GALNT1: variants seen among roughly 807,000 people sequenced by gnomAD.
GALNT1 encodes the protein GalNAc transferase 1.
A neutral mutation model predicts 65.7 loss-of-function variants in GALNT1; 17 were observed. The ratio of observed to expected loss-of-function variants is 0.26; its 90% CI spans 0.18 to 0.39. GALNT1 has a LOEUF of 0.39. Among genes scored for constraint, GALNT1 ranks in the 10% least tolerant of loss-of-function variants. The pLI, the probability that GALNT1 is intolerant of heterozygous loss-of-function variation, is 1.00. For missense variants in GALNT1, 460 were observed against 672.8 expected (o/e 0.68, Z 3.50); for synonymous variants, 210 against 219.7 (o/e 0.96, Z 0.39).
chr18:35,676,151 CCTT>C (rs1341424628), intron 3 of GALNT1, among the ~76,000 whole-genome samples: 21 of 152,102 alleles, frequency 1.4e-4, no homozygotes, highest in Admixed American at 1.1e-3. Flanking sequence ...GCTGTGTGGG[CCTT>C]CTTGTGGTGG....
rs978754640 is a variant in GALNT1 at position 35,677,513 on chromosome 18, A to G, written c.315-78A>G. 8 of 1,166,848 alleles carry G rather than the reference A, an allele frequency of 6.9e-6. No homozygotes were observed. In the South Asian group the frequency reaches 1.1e-4, roughly 17 times the overall value. The allele number at this position is 1,166,848 out of a possible 1,614,324, so 72.3% of individuals were successfully genotyped here. ...TAGAGCAAACTGCTTTTATTGTTCT[A>G]TCACCCTTCTAGTCCAGATTCCTTT... On this transcript the variant is annotated intron_variant, in intron 3 of 11. Transcript: ENST00000269195.
At position 35,702,898 on chromosome 18, in the gene GALNT1, T is replaced by C. The variant is rs1598812728; in HGVS notation, c.1301T>C (p.Ile434Thr). 1 of 1,589,208 alleles carries C rather than the reference T, an allele frequency of 6.3e-7. No homozygotes were observed. The highest frequency in any genetic ancestry group is 1.7e-4 in the Middle Eastern group (1 of 5,954). Residue 434 changes from isoleucine to threonine, a missense_variant and splice_region_variant, in exon 10 of 12, where the codon ATA (isoleucine) becomes ACA (threonine). Coordinates refer to ENST00000269195, the MANE Select transcript of GALNT1 (RefSeq NM_020474.4). ...TTTTCATTATTTATTGTCCCATAGATACGAAATGTGGAAACGAATCAGTGT... is the reference window on the plus strand; with the variant it reads ...TTTTCATTATTTATTGTCCCATAGACACGAAATGTGGAAACGAATCAGTGT... ...IPRHYFSLGEIRNVETNQCLD... is the reference protein window; with the variant it reads ...IPRHYFSLGETRNVETNQCLD...
chr18:35,709,918 C>T lies in GALNT1; in HGVS notation c.*148C>T. ...TTATCAGCCATTAAAACTTAGACTT[C>T]TCTAGCTTTTCACTAGCTGTGAACC... On this transcript the variant is annotated 3_prime_UTR_variant, in exon 12 of 12. Transcript: ENST00000269195. 1 of 905,828 alleles carries T rather than the reference C, an allele frequency of 1.1e-6. No homozygotes were observed. The highest frequency in any genetic ancestry group is 1.6e-6 in the Non-Finnish European group (1 of 615,704). 56.1% of individuals were successfully genotyped at this position (905,828 alleles called of 1,614,324 possible).
chr18:35,600,188 A>G (rs1332714688), intron 1 of GALNT1, among the ~76,000 whole-genome samples: 1 of 152,054 alleles, frequency 6.6e-6, no homozygotes, highest in African/African-American at 2.4e-5. Flanking sequence ...TGTCCTCTTT[A>G]ATTTCTTTCA....
chr18:35,681,618 C>T (rs58952332), intron 4 of GALNT1, among the ~76,000 whole-genome samples: 14,426 of 151,966 alleles, frequency 0.095, 821 homozygotes, highest in African/African-American at 0.16. Flanking sequence ...TGTTGGGAGA[C>T]GCATTGTTTA....
chr18:35,636,783 G>GTTTTTTTTTT (rs58909585), intron 1 of GALNT1, among the ~76,000 whole-genome samples: 2 of 64,224 alleles, frequency 3.1e-5, no homozygotes, highest in Admixed American at 1.9e-4. Context: ...ATACTACTTT[G>GTTTTTTTTTT]TTTTTTTTTT....
intron 3 of GALNT1, among the ~76,000 whole-genome samples, chr18:35,676,232 A>AGAG (rs1215716620): frequency 6.6e-6 from 1 of 152,074 alleles, no homozygotes; most frequent in Non-Finnish European, 1.5e-5. Flanking sequence ...ATCAGTGGGT[A>AGAG]GAGGGAAGGT....
At chr18:35,630,193 C>A (rs1848223862) in intron 1 of GALNT1, among the ~76,000 whole-genome samples, 1 of 152,116 alleles carries the variant, frequency 6.6e-6, no homozygotes, top group Non-Finnish European at 1.5e-5. Flanking sequence ...CAGCTCTGCA[C>A]CAAGTGGACC....
At chr18:35,640,561 A>G (rs2047148104) in intron 1 of GALNT1, among the ~76,000 whole-genome samples, 1 of 152,236 alleles carries the variant, frequency 6.6e-6, no homozygotes, top group Non-Finnish European at 1.5e-5. Flanking sequence ...GAATCATGAC[A>G]ACTTTTATTT....
At chr18:35,686,238 G>A (rs911994391) in intron 5 of GALNT1, among the ~76,000 whole-genome samples, 3 of 152,266 alleles carry the variant, frequency 2.0e-5, no homozygotes, top group Admixed American at 1.3e-4. Flanking sequence ...AGAGAGAAAT[G>A]GATAGGAAAG....
intron 10 of GALNT1, 124 bp downstream of exon 10, chr18:35,703,119 T>A: frequency 1.7e-6 from 1 of 592,292 alleles, no homozygotes; most frequent in South Asian, 3.0e-5. Context: ...TAATAAAGAC[T>A]TTTAGGTGAA....
intron 2 of GALNT1, among the ~76,000 whole-genome samples, chr18:35,657,858 AAG>A (rs925524062): frequency 1.3e-5 from 2 of 152,322 alleles, no homozygotes; most frequent in African/African-American, 4.8e-5. Flanking sequence ...CGGTAGTTAC[AAG>A]AGAGAAATGG....
chr18:35,633,646 A>G (rs2047050332), intron 1 of GALNT1, among the ~76,000 whole-genome samples: 1 of 152,170 alleles, frequency 6.6e-6, no homozygotes, highest in Non-Finnish European at 1.5e-5. Context: ...ATACATATGT[A>G]ACAAACCTGC....
intron 7 of GALNT1, 64 bp from the exon 8 acceptor site, chr18:35,690,948 A>G (rs1392915731): frequency 2.9e-6 from 4 of 1,392,810 alleles, no homozygotes; most frequent in Non-Finnish European, 3.9e-6. Context: ...ACTATGGGAA[A>G]ACTAAGGTGA....
chr18:35,636,783 G>GTTTTTTTTT (rs58909585), intron 1 of GALNT1, among the ~76,000 whole-genome samples: 1 of 64,224 alleles, frequency 1.6e-5, no homozygotes, highest in Non-Finnish European at 3.2e-5. Flanking sequence ...ATACTACTTT[G>GTTTTTTTTT]TTTTTTTTTT....
At chr18:35,584,899 G>C (rs1196259822) in intron 1 of GALNT1, among the ~76,000 whole-genome samples, 1 of 152,210 alleles carries the variant, frequency 6.6e-6, no homozygotes, top group Non-Finnish European at 1.5e-5. Flanking sequence ...CCACAGACTG[G>C]TACTGGTTCA....
rs1304313674 is a variant in GALNT1, at chr18:35,689,209, C to G, written c.897C>G (p.Asp299Glu). 7 of 1,612,446 alleles carry G rather than the reference C, an allele frequency of 4.3e-6. No individual in the cohort carries two copies. The highest frequency in any genetic ancestry group is 5.9e-6 in the Non-Finnish European group (7 of 1,179,056). The change falls in exon 7 of 12, where the codon GAC (aspartate) becomes GAG (glutamate). Residue 299 changes from aspartate (D) to glutamate (E), a missense_variant. Transcript: ENST00000269195. ...PTMAGGLFSI[D>E]RDYFQEIGTY... is the part of the protein sequence containing the mutation. ...TGGCAGGAGGCCTTTTTTCAATAGACAGAGATTACTTTCAGGAAATTGGAA... is the reference window on the plus strand; with the variant it reads ...TGGCAGGAGGCCTTTTTTCAATAGAGAGAGATTACTTTCAGGAAATTGGAA...
At chr18:35,678,822 T>G (rs909653906) in intron 4 of GALNT1, among the ~76,000 whole-genome samples, 2 of 152,218 alleles carry the variant, frequency 1.3e-5, no homozygotes, top group Non-Finnish European at 2.9e-5. Context: ...GTGTCCACAC[T>G]GAATACATGC....
At chr18:35,662,007 C>T (rs749735463) in intron 2 of GALNT1, among the ~76,000 whole-genome samples, 5 of 152,132 alleles carry the variant, frequency 3.3e-5, no homozygotes, top group Non-Finnish European at 7.4e-5. Flanking sequence ...CAGAACTCTG[C>T]CGGTTCCTTT....
Sources: allele counts gnomAD v4.1 joint callset (sites outside exome capture counted in the v4.1 genomes callset), GRCh38; gene constraint gnomAD v4.1.1; transcripts MANE v1.5; gene names NCBI Gene and HGNC (gene_info 2026-07-23, HGNC 2026-07-21).